The following ABL2 variants were observed in gnomAD, a reference collection of about 807,000 sequenced individuals.
The protein encoded by ABL2 is tyrosine-protein kinase ABL2.
A neutral mutation model predicts 107.7 loss-of-function variants in ABL2; 49 were observed. The ratio of observed to expected loss-of-function variants is 0.45; its 90% CI spans 0.36 to 0.58. The LOEUF is 0.58. ABL2 is among the 20% of genes least tolerant of loss of function. The probability of loss-of-function intolerance (pLI) is 0.00; values close to 1 mark genes in which losing one functional copy is unlikely to be tolerated. For missense variants in ABL2, 1,245 were observed against 1,457.0 expected, an observed-to-expected ratio of 0.85 and a Z score of 2.37; for synonymous variants, 549 against 548.6, an observed-to-expected ratio of 1.00 and a Z score of -0.01.
chr1:179,227,911 T>C (rs2124883172), intron 1 of ABL2, among the ~76,000 whole-genome samples: 1 of 150,798 alleles, frequency 6.6e-6, no homozygotes, highest in Non-Finnish European at 1.5e-5. Flanking sequence ...ATTAGCCGGG[T>C]GTGGTGGCGG....
intron 1 of ABL2, among the ~76,000 whole-genome samples, chr1:179,199,426 T>C (rs1344745199): frequency 4.6e-5 from 7 of 152,200 alleles, no homozygotes; most frequent in Non-Finnish European, 1.0e-4. Context: ...CTAATCTTCC[T>C]ATGCAACCTC....
At chr1:179,114,738 C>A (rs938954894) in intron 9 of ABL2, 140 bp downstream of exon 9, 10 of 835,560 alleles carry the variant, frequency 1.2e-5, no homozygotes, top group African/African-American at 1.8e-5. Flanking sequence ...TGACAACTGG[C>A]TGATCAATGA....
At chr1:179,203,673 T>C (rs376356580) in intron 1 of ABL2, among the ~76,000 whole-genome samples, 1 of 152,214 alleles carries the variant, frequency 6.6e-6, no homozygotes, top group African/African-American at 2.4e-5. Flanking sequence ...GTCTCAGGTC[T>C]CATGTTCCAG....
chr1:179,198,081 G>A (rs955420232), intron 1 of ABL2, among the ~76,000 whole-genome samples: 2 of 150,160 alleles, frequency 1.3e-5, no homozygotes, highest in Middle Eastern at 3.4e-3. Context: ...GCTGAAGTGC[G>A]ACGGTCCCCT....
Position 179,109,026 on chromosome 1 carries a change from G to A in ABL2, c.2241C>T (p.Gly747=). 1 of 1,613,196 alleles carries A rather than the reference G, an allele frequency of 6.2e-7. No homozygotes were observed. The highest frequency in any genetic ancestry group is 8.5e-7 in the Non-Finnish European group (1 of 1,179,976). ...GSGTAGGGWS[G]ITGFFTPRLI... Reference sequence around the variant, plus strand: ...AGCGTGGTGTAAAGAAGCCTGTGATGCCAGACCACCCACCCCCAGCAGTGC... The same window carrying A: ...AGCGTGGTGTAAAGAAGCCTGTGATACCAGACCACCCACCCCCAGCAGTGC... Residue 747 remains glycine, a synonymous_variant, in exon 12 of 12, where the codon GGC becomes GGT. Transcript: ENST00000502732.
chr1:179,221,110 C>T, intron 1 of ABL2: 1 of 242,844 alleles, frequency 4.1e-6, no homozygotes, highest in South Asian at 7.2e-5. Flanking sequence ...GATGTGAAAG[C>T]CAGACAGGCC....
At chr1:179,140,966 C>A (rs1418611148) in intron 1 of ABL2, among the ~76,000 whole-genome samples, 1 of 151,810 alleles carries the variant, frequency 6.6e-6, no homozygotes, top group Non-Finnish European at 1.5e-5. Context: ...ATGGCAAAAC[C>A]CTGACTGGGT....
chr1:179,180,946 T>C (rs759608304), intron 1 of ABL2, among the ~76,000 whole-genome samples: 3 of 152,182 alleles, frequency 2.0e-5, no homozygotes, highest in Admixed American at 6.5e-5. Context: ...AATTATTTCA[T>C]TGGGGGAAAG....
chr1:179,218,524 G>A (rs1662704450), intron 1 of ABL2, among the ~76,000 whole-genome samples: 1 of 152,182 alleles, frequency 6.6e-6, no homozygotes, highest in Admixed American at 6.5e-5. Flanking sequence ...AGCCTCCCGA[G>A]TAGCTGGGAC....
At chr1:179,156,067 CTAACA>C (rs891298588) in intron 1 of ABL2, among the ~76,000 whole-genome samples, 1 of 152,164 alleles carries the variant, frequency 6.6e-6, no homozygotes, top group African/African-American at 2.4e-5. Context: ...AGATAATGTA[CTAACA>C]TAACAAGCTT....
At position 179,108,817 on chromosome 1, in the gene ABL2, G is replaced by A; in HGVS notation, c.2450C>T (p.Ser817Phe). The A allele has an allele frequency of 6.2e-7, 1 of 1,614,160 alleles. No homozygotes were observed. Among genetic ancestry groups the A allele is most frequent in the Non-Finnish European group, 8.5e-7 (1 of 1,180,028 alleles). Reference sequence around the variant, plus strand: ...ATTCTCTTCTGGCTGAGAAGAGGTGGACACTGTCCTTTCCAGCTGGAGTTT... The same window carrying A: ...ATTCTCTTCTGGCTGAGAAGAGGTGAACACTGTCCTTTCCAGCTGGAGTTT... ...RSKLQLERTV[S>F]TSSQPEENVD... The change falls in exon 12 of 12, where the codon TCC becomes TTC. Residue 817 changes from serine to phenylalanine, a missense_variant. This residue lies in a region of ABL2 where 761 missense variants were observed against 766.4 expected (regional missense o/e 0.99). Transcript: ENST00000502732.
At chr1:179,167,365 C>A (rs775466359) in intron 1 of ABL2, among the ~76,000 whole-genome samples, 11 of 151,908 alleles carry the variant, frequency 7.2e-5, no homozygotes, top group African/African-American at 2.4e-4. Context: ...TCTCATGGAG[C>A]GAGAGTATAA....
chr1:179,229,404 T>A lies in ABL2; in HGVS notation c.-7A>T, dbSNP rs1394358210. 1 of 1,506,580 alleles carries A rather than the reference T, an allele frequency of 6.6e-7. No homozygotes were observed. Among genetic ancestry groups the A allele is most frequent in the African/African-American group, 1.5e-5 (1 of 68,422 alleles). The allele number at this position is 1,506,580 out of a possible 1,614,324, so 93.3% of individuals were successfully genotyped here. A position where few individuals can be genotyped will look rare whatever the true frequency, so the allele number is the denominator to read the frequency against. Reference sequence around the variant, plus strand: ...GGCCCACCTGCTGCCCCATCCCTGCTCTCGCGTACTCCCGCGCCCCCGCCG... The same window carrying A: ...GGCCCACCTGCTGCCCCATCCCTGCACTCGCGTACTCCCGCGCCCCCGCCG... On this transcript the variant is annotated 5_prime_UTR_variant, in exon 1 of 12. Coordinates refer to ENST00000502732, the MANE Select transcript of ABL2 (RefSeq NM_007314.4).
chr1:179,222,659 G>T (rs972374011), intron 1 of ABL2, among the ~76,000 whole-genome samples: 1 of 151,996 alleles, frequency 6.6e-6, no homozygotes, highest in Non-Finnish European at 1.5e-5. Context: ...AAAGTACTGG[G>T]ATTACCAGCA....
Position 179,199,476 on chromosome 1 carries a change from TTCTC to T in ABL2, c.157+29761_157+29764del, listed in dbSNP as rs986729169. On this transcript the variant is annotated intron_variant, in intron 1 of 11. Transcript: ENST00000502732. ...ACAGAAGAGAAACACAAACTTTACCTTCTCTCTTTTTCTCCCCCTTTAAACTTCT... is the reference window on the plus strand; with the variant it reads ...ACAGAAGAGAAACACAAACTTTACCTTCTTTTTCTCCCCCTTTAAACTTCT... Among the ~76,000 whole-genome samples the T allele has an allele frequency of 2.7e-5, 4 of 150,874 alleles. No individual in the cohort carries two copies. In the South Asian group the frequency reaches 6.2e-4, roughly 24 times the overall value.
chr1:179,147,587 C>T (rs1658085528), intron 1 of ABL2, among the ~76,000 whole-genome samples: 1 of 152,196 alleles, frequency 6.6e-6, no homozygotes, highest in African/African-American at 2.4e-5. Flanking sequence ...AACTGGAGGT[C>T]GTTATCCTAA....
At chr1:179,215,252 T>C (rs1163189204) in intron 1 of ABL2, among the ~76,000 whole-genome samples, 1 of 152,146 alleles carries the variant, frequency 6.6e-6, no homozygotes, top group African/African-American at 2.4e-5. Flanking sequence ...CATATATATG[T>C]AAATACACAG....
chr1:179,211,830 A>G (rs1662293740), intron 1 of ABL2, among the ~76,000 whole-genome samples: 1 of 152,154 alleles, frequency 6.6e-6, no homozygotes, highest in African/African-American at 2.4e-5. Flanking sequence ...TTACCAATCA[A>G]TAACTGCAAA....
At position 179,121,723 on chromosome 1, in the gene ABL2, G is replaced by A; in HGVS notation, c.832C>T (p.His278Tyr). ...KPTVYGVSPI[H>Y]DKWEMERTDI... ...GTTCGCTCCATTTCCCATTTGTCGT[G>A]GATGGGGGACACACCATAGACTGTA... The change falls in exon 5 of 12, where the codon CAC becomes TAC. Residue 278 changes from histidine (H) to tyrosine (Y), a missense_variant. Transcript: ENST00000502732. 6.2e-7 allele frequency: 1 copy of A among 1,614,044 alleles called. No homozygotes were observed. Among genetic ancestry groups the A allele is most frequent in the Non-Finnish European group, 8.5e-7 (1 of 1,180,012 alleles).
Sources: gnomAD v4.1 joint callset for allele counts (sites outside exome capture counted in the v4.1 genomes callset) on GRCh38, gnomAD v4.1.1 for gene constraint, gnomAD v4.1.1 regional missense constraint, MANE v1.5 for transcripts, NCBI Gene and HGNC (gene_info 2026-07-23, HGNC 2026-07-21) for gene names.